Variants in SLIT3 observed in about 807,000 individuals in gnomAD.
The protein encoded by SLIT3 is slit guidance ligand 3, also known as slit homolog 3 protein.
A neutral mutation model predicts 184.0 loss-of-function variants in SLIT3; 68 were observed. The observed-to-expected ratio is 0.37, with a 90% CI of 0.30 to 0.45. The LOEUF (loss-of-function observed/expected upper bound fraction) is 0.45. SLIT3 is among the 20% of genes least tolerant of loss of function. The pLI, the probability that SLIT3 is intolerant of heterozygous loss-of-function variation, is 1.00. For synonymous variants in SLIT3, 831 were observed against 828.6 expected, an observed-to-expected ratio of 1.00 and a Z score of -0.05; for missense variants, 1,707 against 2,026.0, an observed-to-expected ratio of 0.84 and a Z score of 3.02.
intron 4 of SLIT3, among the ~76,000 whole-genome samples, chr5:169,162,226 T>C (rs1418772048): frequency 6.6e-6 from 1 of 152,178 alleles, no homozygotes; most frequent in Non-Finnish European, 1.5e-5. Context: ...CAAGACCAGC[T>C]GGGATCTTGG....
rs773926053 is a variant in SLIT3, at chr5:169,167,518, C to T, written c.413+25961G>A. On this transcript the variant is annotated intron_variant, in intron 4 of 35. Transcript: ENST00000519560. The stretch of plus-strand genomic sequence containing the variant: ...GTCTCGATCTCCTGACCTCGTGATC[C>T]GCTTACATCGGCCTCCCAAAGTGCT... Among the ~76,000 whole-genome samples the T allele has an allele frequency of 8.6e-5, 13 of 151,854 alleles. No individual in the cohort carries two copies. The East Asian group carries it at 9.8e-4, about 11-fold the overall frequency.
chr5:169,144,655 T>G (rs1581455497), intron 4 of SLIT3, among the ~76,000 whole-genome samples: 1 of 152,206 alleles, frequency 6.6e-6, no homozygotes, highest in South Asian at 2.1e-4. Context: ...CTGGTCTCTT[T>G]GGGAAGCCAT....
At chr5:169,270,808 A>G (rs1195178048) in intron 1 of SLIT3, among the ~76,000 whole-genome samples, 3 of 152,226 alleles carry the variant, frequency 2.0e-5, no homozygotes, top group Non-Finnish European at 4.4e-5. Context: ...CTTGGGGGAC[A>G]GAAGTAGCAA....
Position 168,749,458 on chromosome 5 carries a change from C to T in SLIT3, c.2137+14G>A. Reference sequence around the variant, plus strand: ...AGGGCCTTCCCCGCAGACCTTGACCCACAGCCTTCTTACCATCACAGGTGA... The same window carrying T: ...AGGGCCTTCCCCGCAGACCTTGACCTACAGCCTTCTTACCATCACAGGTGA... On this transcript the variant is annotated intron_variant, in intron 19 of 35. Coordinates refer to ENST00000519560, the MANE Select transcript of SLIT3 (RefSeq NM_003062.4). The T allele has an allele frequency of 6.2e-7, 1 of 1,613,992 alleles. No individual in the cohort carries two copies. Among genetic ancestry groups the T allele is most frequent in the Non-Finnish European group, 8.5e-7 (1 of 1,179,900 alleles).
chr5:168,986,879 T>G (rs902557779), intron 4 of SLIT3, among the ~76,000 whole-genome samples: 2 of 152,178 alleles, frequency 1.3e-5, no homozygotes, highest in African/African-American at 4.8e-5. Context: ...GATATACACA[T>G]TGTTTACAAA....
At chr5:168,936,037 T>G (rs1315197514) in intron 4 of SLIT3, among the ~76,000 whole-genome samples, 1 of 152,214 alleles carries the variant, frequency 6.6e-6, no homozygotes, top group Non-Finnish European at 1.5e-5. Context: ...TTGTAATTAG[T>G]TTCCCCCACA....
chr5:169,069,968 G>A (rs146224760), intron 4 of SLIT3, among the ~76,000 whole-genome samples: 2 of 152,310 alleles, frequency 1.3e-5, no homozygotes, highest in African/African-American at 2.4e-5. Context: ...GTTACTCCAC[G>A]TGCAGTGCAG....
chr5:168,870,185 G>A (rs947286565), intron 5 of SLIT3, among the ~76,000 whole-genome samples: 15 of 152,230 alleles, frequency 9.9e-5, no homozygotes, highest in Non-Finnish European at 1.6e-4. Context: ...TATTCATCTA[G>A]CAAATATTTT....
chr5:168,992,636 G>C (rs1167105153), intron 4 of SLIT3, among the ~76,000 whole-genome samples: 1 of 152,178 alleles, frequency 6.6e-6, no homozygotes, highest in East Asian at 1.9e-4. Context: ...AGGAAGGCCT[G>C]GGGTCCTGCT....
intron 25 of SLIT3, chr5:168,708,400 T>C (rs1762441978): frequency 4.4e-6 from 2 of 458,618 alleles, no homozygotes; most frequent in South Asian, 4.9e-5. Flanking sequence ...CAATGCACCA[T>C]AATTAGAAAC....
At position 168,666,105 on chromosome 5, in the gene SLIT3, T is replaced by TAAAA. The variant is rs1761029897; in HGVS notation, c.*348_*349insTTTT. The TAAAA allele has an allele frequency of 5.9e-6, 1 of 169,654 alleles. No homozygotes were observed. The highest frequency in any genetic ancestry group is 2.4e-5 in the African/African-American group (1 of 42,210). The allele number at this position is 169,654 out of a possible 1,614,324, so 10.5% of individuals were successfully genotyped here. On this transcript the variant is annotated 3_prime_UTR_variant, in exon 36 of 36. Transcript: ENST00000519560. ...GGCTATCATTCTTTATTCTTATCCTTTTGTTTTAAAGCATTTTTATTAGTC... is the reference window on the plus strand; with the variant it reads ...GGCTATCATTCTTTATTCTTATCCTTAAAATTGTTTTAAAGCATTTTTATTAGTC...
chr5:168,767,932 A>G (rs543425978), intron 14 of SLIT3, among the ~76,000 whole-genome samples: 166 of 151,932 alleles, frequency 1.1e-3, no homozygotes, highest in Non-Finnish European at 2.2e-3. Context: ...GGGGAGGGTG[A>G]CTCCATTTTG....
intron 4 of SLIT3, among the ~76,000 whole-genome samples, chr5:169,075,705 A>G (rs1343282255): frequency 5.3e-5 from 8 of 152,190 alleles, no homozygotes; most frequent in Non-Finnish European, 1.0e-4. Context: ...GAAAATGATG[A>G]ACCACAGCAC....
chr5:169,247,977 A>G (rs1486872603), intron 2 of SLIT3, among the ~76,000 whole-genome samples: 3 of 152,146 alleles, frequency 2.0e-5, no homozygotes, highest in Non-Finnish European at 4.4e-5. Flanking sequence ...GGTTCAGCCA[A>G]AGAGAGTCAC....
At chr5:169,142,266 G>C (rs940278038) in intron 4 of SLIT3, among the ~76,000 whole-genome samples, 1 of 152,030 alleles carries the variant, frequency 6.6e-6, no homozygotes, top group African/African-American at 2.4e-5. Context: ...ATCCGTTAAG[G>C]ATTATAAACA....
At chr5:169,044,999 A>T (rs1757580036) in intron 4 of SLIT3, among the ~76,000 whole-genome samples, 1 of 152,196 alleles carries the variant, frequency 6.6e-6, no homozygotes, top group Non-Finnish European at 1.5e-5. Context: ...GGATGAGAAG[A>T]ACTCCTCCAT....
intron 3 of SLIT3, among the ~76,000 whole-genome samples, chr5:169,222,370 T>C (rs1213908898): frequency 6.6e-6 from 1 of 152,102 alleles, no homozygotes; most frequent in African/African-American, 2.4e-5. Context: ...AGAAGGAAAA[T>C]AATGACTCAG....
At chr5:168,957,990 C>T (rs544139498) in intron 4 of SLIT3, among the ~76,000 whole-genome samples, 75 of 152,310 alleles carry the variant, frequency 4.9e-4, no homozygotes, top group African/African-American at 1.7e-3. Flanking sequence ...TTCATTTTCT[C>T]TCTCCACTAC....
chr5:169,201,867 A>G (rs1181491676), intron 3 of SLIT3, among the ~76,000 whole-genome samples: 1 of 152,228 alleles, frequency 6.6e-6, no homozygotes, highest in Non-Finnish European at 1.5e-5. Context: ...TGGGAAATCT[A>G]CAGGAACACT....
Sources: allele counts gnomAD v4.1 joint callset (sites outside exome capture counted in the v4.1 genomes callset), GRCh38; gene constraint gnomAD v4.1.1; transcripts MANE v1.5; gene names NCBI Gene and HGNC (gene_info 2026-07-23, HGNC 2026-07-21).